The following PRDM2 variants were observed in gnomAD, a reference collection of about 807,000 sequenced individuals.
The protein encoded by PRDM2 is PR domain zinc finger protein 2.
A neutral mutation model predicts 130.0 loss-of-function variants in PRDM2; 30 were observed. The ratio of observed to expected loss-of-function variants is 0.23; its 90% CI spans 0.17 to 0.31. The LOEUF (loss-of-function observed/expected upper bound fraction) is 0.31. Ranked by LOEUF, PRDM2 falls within the 10% of genes least tolerant of loss-of-function variation. The probability of loss-of-function intolerance (pLI) is 1.00; values close to 1 mark genes in which losing one functional copy is unlikely to be tolerated. For missense variants in PRDM2, 2,011 were observed against 2,108.4 expected (o/e 0.95, Z 0.90); for synonymous variants, 871 against 782.4 (o/e 1.11, Z -1.89).
chr1:13,782,660 T>C lies in PRDM2; in HGVS notation c.4865T>C (p.Leu1622Ser), dbSNP rs774152081. The change falls in exon 8 of 10, where the codon TTA (leucine) becomes TCA (serine). Residue 1622 changes from leucine to serine, a missense_variant. Coordinates refer to ENST00000311066, the MANE Select transcript of PRDM2 (RefSeq NM_001393986.1). ...AGGGTACAGAAAAGCAAAGCTGTTT[T>C]ACAAAGCAAATCCACCTTGGCGAGT... Reference protein sequence around the residue: ...HVRVQKSKAVLQSKSTLASKK... With the variant: ...HVRVQKSKAVSQSKSTLASKK... The C allele has an allele frequency of 1.9e-5, 30 of 1,614,174 alleles. No homozygotes were observed. The highest frequency in any genetic ancestry group is 2.5e-5 in the Non-Finnish European group (29 of 1,180,030).
At chr1:13,715,479 GT>G (rs1233668315) in intron 1 of PRDM2, 61 bp from the exon 2 acceptor site, 1 of 767,414 alleles carries the variant, frequency 1.3e-6, no homozygotes, top group African/African-American at 1.8e-5. Context: ...TCTGTATGTG[GT>G]TTTAAATCCC....
intron 1 of PRDM2, among the ~76,000 whole-genome samples, chr1:13,711,126 T>G (rs999750743): frequency 3.9e-5 from 6 of 152,032 alleles, no homozygotes; most frequent in African/African-American, 1.5e-4. Flanking sequence ...TTGCTAAGGT[T>G]TCAGTGATAC....
chr1:13,706,527 C>T (rs915923570), intron 1 of PRDM2, among the ~76,000 whole-genome samples: 2 of 152,138 alleles, frequency 1.3e-5, no homozygotes, highest in African/African-American at 4.8e-5. Context: ...ATTAGCAACT[C>T]CTCACACGGT....
At chr1:13,744,086 T>C (rs1329960632) in intron 5 of PRDM2, among the ~76,000 whole-genome samples, 4 of 152,210 alleles carry the variant, frequency 2.6e-5, no homozygotes, top group Non-Finnish European at 5.9e-5. Context: ...AAGGAAGTTT[T>C]GGAGGCATGC....
At chr1:13,799,866 A>T (rs742355) in intron 8 of PRDM2, among the ~76,000 whole-genome samples, 26,743 of 152,224 alleles carry the variant, frequency 0.18, 2,973 homozygotes, top group African/African-American at 0.29. Context: ...TAAAAATTGC[A>T]GTCCAACAAG....
intron 6 of PRDM2, among the ~76,000 whole-genome samples, chr1:13,750,586 C>T (rs947557125): frequency 6.6e-6 from 1 of 152,030 alleles, no homozygotes; most frequent in African/African-American, 2.4e-5. Flanking sequence ...GAAGTCTGTT[C>T]TGATTTTTCA....
chr1:13,801,383 T>C (rs1645004639), intron 8 of PRDM2, among the ~76,000 whole-genome samples: 2 of 152,120 alleles, frequency 1.3e-5, no homozygotes, highest in African/African-American at 4.8e-5. Flanking sequence ...GGGAAATATG[T>C]TTGGGGTAGA....
intron 5 of PRDM2, among the ~76,000 whole-genome samples, chr1:13,745,715 G>A (rs1643582762): frequency 6.6e-6 from 1 of 152,172 alleles, no homozygotes; most frequent in Non-Finnish European, 1.5e-5. Flanking sequence ...GAGCCACCGT[G>A]CCCAGCCTTT....
At position 13,780,960 on chromosome 1, in the gene PRDM2, C is replaced by T. The variant is rs749197068; in HGVS notation, c.3165C>T (p.Ser1055=). The T allele has an allele frequency of 4.4e-6, 7 of 1,606,318 alleles. No individual in the cohort carries two copies. Among genetic ancestry groups the T allele is most frequent in the African/African-American group, 1.3e-5 (1 of 74,758 alleles). Residue 1055 remains serine, a synonymous_variant, in exon 8 of 10, where the codon TCC becomes TCT. Transcript: ENST00000311066. ...SPGPPTLSSS[S]SSSSSSSSFS... ...GGCCTCCAACACTTTCTTCTTCCTC[C>T]TCTTCATCTTCCTCCTCCTCTTCGT...
At position 13,731,089 on chromosome 1, in the gene PRDM2, C is replaced by A. The variant is rs143175897; in HGVS notation, c.99C>A (p.Phe33Leu). Residue 33 changes from phenylalanine (F) to leucine (L), a missense_variant, in exon 3 of 10, where the codon TTC becomes TTA. Phe to Leu is a conservative substitution (Grantham distance 22). Around this residue, in one of 5 missense-constraint regions of PRDM2, gnomAD observed 79 missense variants for 93.6 expected, o/e 0.84. Coordinates refer to ENST00000311066, the MANE Select transcript of PRDM2 (RefSeq NM_001393986.1). ...GACTTCCGGAGGAAGTGAGGCTTTT[C>A]CCTTCTGCTGTTGACAAGACCCGGA... ...LRGLPEEVRL[F>L]PSAVDKTRIG... 6.2e-7 allele frequency: 1 copy of A among 1,612,126 alleles called. No individual in the cohort carries two copies. Among genetic ancestry groups the A allele is most frequent in the Non-Finnish European group, 8.5e-7 (1 of 1,179,414 alleles).
chr1:13,734,744 T>C (rs1237580766), intron 4 of PRDM2, among the ~76,000 whole-genome samples: 2 of 152,108 alleles, frequency 1.3e-5, no homozygotes, highest in East Asian at 3.9e-4. Flanking sequence ...CCTTTTGTCT[T>C]CCTGCAATTA....
chr1:13,790,919 A>G (rs1006029382), intron 8 of PRDM2, among the ~76,000 whole-genome samples: 4 of 152,120 alleles, frequency 2.6e-5, no homozygotes, highest in South Asian at 4.1e-4. Flanking sequence ...TGGCTTTCCA[A>G]TGCCTGCTGT....
In PRDM2 at chr1:13,742,093, C is replaced by A. The variant is rs1643463529; in HGVS notation, c.320C>A (p.Ser107Ter). 3 of 1,613,490 alleles carry A rather than the reference C, an allele frequency of 1.9e-6. No homozygotes were observed. The Admixed American group carries it at 5.0e-5, about 27-fold the overall frequency. ...CTGCGATATGTGAATTGGGCTTGCT[C>A]AGGAGAAGAGCAAAATTTATTCCCA... ...NWLRYVNWAC[S>*]GEEQNLFPLE... is the part of the protein sequence containing the mutation. The change falls in exon 5 of 10, where the codon TCA becomes TAA. Residue 107 changes from serine (S) to a stop codon, truncating the protein, a stop_gained. Transcript: ENST00000311066. LOFTEE classifies it high-confidence loss of function.
At chr1:13,731,717 A>G (rs1354040944) in intron 3 of PRDM2, among the ~76,000 whole-genome samples, 1 of 152,194 alleles carries the variant, frequency 6.6e-6, no homozygotes, top group African/African-American at 2.4e-5. Context: ...GACAGAAGCT[A>G]AGGAAGTAAA....
chr1:13,701,493 A>G (rs868861198), intron 1 of PRDM2, among the ~76,000 whole-genome samples: 1 of 152,180 alleles, frequency 6.6e-6, no homozygotes, highest in Non-Finnish European at 1.5e-5. Context: ...ATTTACATAT[A>G]TTAAGGAGGA....
chr1:13,706,406 C>A (rs2487624), intron 1 of PRDM2, among the ~76,000 whole-genome samples: 12,159 of 152,218 alleles, frequency 0.08, 753 homozygotes, highest in African/African-American at 0.17. Flanking sequence ...TGCCTTCCTT[C>A]TGGGCTGCTA....
chr1:13,744,823 A>AT (rs1344987657), intron 5 of PRDM2, among the ~76,000 whole-genome samples: 10 of 152,214 alleles, frequency 6.6e-5, no homozygotes, highest in African/African-American at 2.4e-4. Flanking sequence ...AGCCTTTCAG[A>AT]TTTTTTACTA....
At chr1:13,789,282 T>C (rs906085341) in intron 8 of PRDM2, among the ~76,000 whole-genome samples, 2 of 152,260 alleles carry the variant, frequency 1.3e-5, no homozygotes, top group African/African-American at 4.8e-5. Flanking sequence ...TTCTGGTAAA[T>C]GCCTTGCTAG....
chr1:13,751,209 C>T (rs6667093), intron 6 of PRDM2, among the ~76,000 whole-genome samples: 118 of 152,222 alleles, frequency 7.8e-4, no homozygotes, highest in African/African-American at 2.8e-3. Flanking sequence ...TTAATAGCTG[C>T]ATTTTTATAC....
Sources: allele counts gnomAD v4.1 joint callset (sites outside exome capture counted in the v4.1 genomes callset), GRCh38; gene constraint gnomAD v4.1.1; regional missense constraint gnomAD v4.1.1; transcripts MANE v1.5; gene names NCBI Gene and HGNC (gene_info 2026-07-23, HGNC 2026-07-21).